The following CABYR variants were observed in gnomAD, a reference collection of about 807,000 sequenced individuals.
CABYR encodes calcium binding tyrosine phosphorylation regulated.
In CABYR, 31 loss-of-function variants were observed where a neutral mutation model predicts 36.1. The observed-to-expected ratio is 0.86, with a 90% CI of 0.64 to 1.16. The LOEUF is 1.16. Among genes scored for constraint, CABYR ranks in the 50% most tolerant of loss-of-function variants. CABYR has a pLI of 0.00. For missense variants in CABYR, 429 were observed against 455.8 expected (o/e 0.94, Z 0.53); for synonymous variants, 146 against 160.7 (o/e 0.91, Z 0.69).
chr18:24,147,365 T>C (rs2145861122), intron 3 of CABYR, among the ~76,000 whole-genome samples: 1 of 152,242 alleles, frequency 6.6e-6, no homozygotes, highest in East Asian at 1.9e-4. Context: ...TGACCCATTG[T>C]ACCCAATGGT....
In CABYR at chr18:24,149,902, C is replaced by T. The variant is rs546595100; in HGVS notation, c.200-5799C>T. Among the ~76,000 whole-genome samples the T allele has an allele frequency of 6.6e-3, 1,003 of 152,336 alleles. 7 individuals are homozygous for T. The highest frequency in any genetic ancestry group is 6.8e-3 in the Non-Finnish European group (464 of 68,030). On this transcript the variant is annotated intron_variant, in intron 3 of 5. Transcript: ENST00000399496. ...CGGAACTCCAGCTGGCCCGCAAGCG[C>T]GGCGCGCAGCCCCGGTTCCCGCTGG...
At chr18:24,159,385 T>C (rs2085885123) in intron 4 of CABYR, 87 bp from the exon 5 acceptor site, 4 of 890,810 alleles carry the variant, frequency 4.5e-6, no homozygotes, top group Middle Eastern at 3.5e-4. Context: ...CTGTTTTATA[T>C]GTAAAAGAGA....
chr18:24,150,904 C>T (rs543953301), intron 3 of CABYR, among the ~76,000 whole-genome samples: 4 of 151,944 alleles, frequency 2.6e-5, no homozygotes, highest in African/African-American at 4.8e-5. Flanking sequence ...CTCAGCCTCC[C>T]GAATAGCTGG....
chr18:24,156,360 G>A (rs1265450355), intron 4 of CABYR: 2 of 1,614,060 alleles, frequency 1.2e-6, no homozygotes, highest in African/African-American at 1.3e-5. Flanking sequence ...TGATATTGAG[G>A]TTATGTCAAC....
At chr18:24,156,264 G>C in intron 4 of CABYR, 1 of 1,614,142 alleles carries the variant, frequency 6.2e-7, no homozygotes, top group Non-Finnish European at 8.5e-7. Flanking sequence ...AAATGAGGCT[G>C]AACCATCAAC....
At chr18:24,142,645 T>TG (rs539042370) in intron 1 of CABYR, among the ~76,000 whole-genome samples, 64 of 37,462 alleles carry the variant, frequency 1.7e-3, no homozygotes, top group East Asian at 9.9e-3. Flanking sequence ...GGGTTGTGTG[T>TG]TTTTTTTTTT....
intron 3 of CABYR, among the ~76,000 whole-genome samples, chr18:24,149,139 C>T (rs917135457): frequency 6.6e-6 from 1 of 151,972 alleles, no homozygotes. Context: ...TTCTCCAAGG[C>T]CCCACCAGAG....
At chr18:24,160,461 A>G (rs1322391569) in intron 5 of CABYR, among the ~76,000 whole-genome samples, 2 of 152,196 alleles carry the variant, frequency 1.3e-5, no homozygotes, top group African/African-American at 4.8e-5. Context: ...GCAAGGTAAG[A>G]GAGAAAGTCT....
In CABYR at chr18:24,155,001, G is replaced by A. The variant is rs557319991; in HGVS notation, c.200-700G>A. On this transcript the variant is annotated intron_variant, in intron 3 of 5. Coordinates refer to ENST00000399496, the MANE Select transcript of CABYR (RefSeq NM_153769.3). ...GGTTAGAATATGTGACTTTCTTAAAGTAAAAAAAATCCTATAGTCCTCTAG... is the reference window on the plus strand; with the variant it reads ...GGTTAGAATATGTGACTTTCTTAAAATAAAAAAAATCCTATAGTCCTCTAG... Among the ~76,000 whole-genome samples, 9 of 152,220 alleles carry A rather than the reference G, an allele frequency of 5.9e-5. No individual in the cohort carries two copies. In the East Asian group the frequency reaches 1.5e-3, roughly 26 times the overall value.
At chr18:24,146,953 A>C (rs1407661945) in intron 3 of CABYR, among the ~76,000 whole-genome samples, 1 of 152,160 alleles carries the variant, frequency 6.6e-6, no homozygotes, top group Non-Finnish European at 1.5e-5. Context: ...AGGCAGACAA[A>C]AACTGAGAAG....
chr18:24,141,759 A>G (rs960064348), intron 1 of CABYR, among the ~76,000 whole-genome samples: 3 of 152,176 alleles, frequency 2.0e-5, no homozygotes, highest in Non-Finnish European at 2.9e-5. Context: ...TTCAGGTGGC[A>G]GCCTCTGCAA....
In CABYR at chr18:24,143,225, A is replaced by G; in HGVS notation, c.111A>G (p.Ala37=). The G allele has an allele frequency of 6.2e-7, 1 of 1,613,970 alleles. No individual in the cohort carries two copies. The highest frequency in any genetic ancestry group is 1.1e-5 in the South Asian group (1 of 91,022). Residue 37 remains alanine (A), a synonymous_variant, in exon 2 of 6, where the codon GCA becomes GCG. Transcript: ENST00000399496. The part of the protein sequence containing the change: ...KTNPSNINQF[A]AAYFQELTMY... Reference sequence around the variant, plus strand: ...ACCCATCAAACATCAACCAGTTTGCAGCAGCTTATTTTCAAGAACTTACTA... The same window carrying G: ...ACCCATCAAACATCAACCAGTTTGCGGCAGCTTATTTTCAAGAACTTACTA...
rs181207766 is a variant in CABYR at position 24,161,036 on chromosome 18, A to C, written c.*-480A>C. On this transcript the variant is annotated intron_variant, in intron 5 of 5. Coordinates refer to ENST00000399496, the MANE Select transcript of CABYR (RefSeq NM_153769.3). Reference sequence around the variant, plus strand: ...AGTGTTTTAAGCAGAAGAATGACTGATTGCTGTTTTTATTAGATCACTCAG... The same window carrying C: ...AGTGTTTTAAGCAGAAGAATGACTGCTTGCTGTTTTTATTAGATCACTCAG... 1.8e-3 allele frequency among the ~76,000 whole-genome samples: 280 copies of C among 152,340 alleles called. 2 individuals carry two copies. The highest frequency in any genetic ancestry group is 9.1e-3 in the South Asian group (44 of 4,824).
intron 3 of CABYR, among the ~76,000 whole-genome samples, chr18:24,144,425 C>A (rs971260160): frequency 6.6e-6 from 1 of 152,282 alleles, no homozygotes; most frequent in Middle Eastern, 3.4e-3. Context: ...ACACTTTCCA[C>A]AAAATGGAAA....
chr18:24,141,231 G>T (rs1483526203), intron 1 of CABYR, among the ~76,000 whole-genome samples: 2 of 152,216 alleles, frequency 1.3e-5, no homozygotes, highest in East Asian at 3.8e-4. Context: ...CCTTTGGGAA[G>T]ATGAGATGTG....
At chr18:24,147,878 A>T (rs2085498222) in intron 3 of CABYR, among the ~76,000 whole-genome samples, 1 of 152,188 alleles carries the variant, frequency 6.6e-6, no homozygotes, top group African/African-American at 2.4e-5. Flanking sequence ...CAAATCAATT[A>T]AGAGTAACTT....
At chr18:24,156,712 A>AT (rs866974497) in intron 4 of CABYR, 1 of 1,614,108 alleles carries the variant, frequency 6.2e-7, no homozygotes, top group African/African-American at 1.3e-5. Flanking sequence ...CAACTCCTGG[A>AT]TGCAGAAGGT....
intron 4 of CABYR, chr18:24,156,465 G>C: frequency 6.2e-7 from 1 of 1,614,120 alleles, no homozygotes; most frequent in Non-Finnish European, 8.5e-7. Context: ...CCCTTTTACT[G>C]ATCAAGTTGC....
chr18:24,149,792 C>T (rs572422475), intron 3 of CABYR, among the ~76,000 whole-genome samples: 1 of 152,376 alleles, frequency 6.6e-6, no homozygotes, highest in South Asian at 2.1e-4. Flanking sequence ...CAGCCACTGG[C>T]CTGGGTGCTA....
Sources: allele counts gnomAD v4.1 joint callset (sites outside exome capture counted in the v4.1 genomes callset), GRCh38; gene constraint gnomAD v4.1.1; transcripts MANE v1.5; gene names NCBI Gene and HGNC (gene_info 2026-07-23, HGNC 2026-07-21).